Variants in ARHGEF4 observed in about 807,000 individuals in gnomAD.
ARHGEF4 encodes the protein APC-stimulated guanine nucleotide exchange factor 1.
Under a neutral mutation model 162.0 loss-of-function variants are expected in ARHGEF4, and 119 were observed. The observed-to-expected ratio is 0.73, with a 90% confidence interval of 0.63 to 0.86. ARHGEF4 has a LOEUF of 0.86. Among genes scored for constraint, ARHGEF4 ranks in the 40% least tolerant of loss-of-function variants. The pLI, the probability that ARHGEF4 is intolerant of heterozygous loss-of-function variation, is 0.00. For missense variants in ARHGEF4, 2,488 were observed against 2,456.0 expected, an observed-to-expected ratio of 1.01 and a Z score of -0.28; for synonymous variants, 1,014 against 979.9, an observed-to-expected ratio of 1.03 and a Z score of -0.65.
chr2:130,837,079 C>T (rs1022578100), intron 1 of ARHGEF4, 87 bp downstream of exon 1: 46 of 1,184,840 alleles, frequency 3.9e-5, no homozygotes, highest in Non-Finnish European at 4.9e-5. Flanking sequence ...GCTGCTGCGC[C>T]CCGGGCCGTC....
chr2:130,916,585 C>T lies in ARHGEF4; in HGVS notation c.2639C>T (p.Ser880Leu). 3.2e-6 allele frequency: 5 copies of T among 1,550,488 alleles called. No homozygotes were observed. The highest frequency in any genetic ancestry group is 4.4e-6 in the Non-Finnish European group (5 of 1,146,952). Residue 880 changes from serine (S) to leucine (L), a missense_variant, in exon 2 of 14, where the codon TCA becomes TTA. Physicochemically the swap from Ser to Leu is moderately radical, Grantham distance 145. Around this residue, in one of 6 missense-constraint regions of ARHGEF4, gnomAD observed 1,642 missense variants for 1,481.5 expected, o/e 1.11. Transcript: ENST00000409359. The stretch of plus-strand genomic sequence containing the variant: ...GCAGGAGCGGGGCACACGGGGACCT[C>T]AGGGGATCTTGGTAGCCGAGGGCCT... Reference protein sequence around the residue: ...GPAGAGHTGTSGDLGSRGPSS... With the variant: ...GPAGAGHTGTLGDLGSRGPSS...
At chr2:130,892,711 C>A (rs903874881) in intron 1 of ARHGEF4, among the ~76,000 whole-genome samples, 1 of 152,176 alleles carries the variant, frequency 6.6e-6, no homozygotes, top group Non-Finnish European at 1.5e-5. Context: ...CCAGGTTAGC[C>A]CTCCTGGCCC....
intron 2 of ARHGEF4, among the ~76,000 whole-genome samples, chr2:130,926,014 C>CTCTTTCTT (rs1553514612): frequency 1.0e-4 from 10 of 97,270 alleles, no homozygotes; most frequent in African/African-American, 4.5e-4. Context: ...TTGGTTTTCT[C>CTCTTTCTT]TCTTTCTTTC....
intron 4 of ARHGEF4, among the ~76,000 whole-genome samples, chr2:130,992,623 G>A (rs985711052): frequency 5.9e-5 from 9 of 152,176 alleles, no homozygotes; most frequent in African/African-American, 2.2e-4. Flanking sequence ...CACCTTAAGA[G>A]CTGTAACACT....
chr2:130,876,695 A>C (rs1574141638), intron 1 of ARHGEF4, among the ~76,000 whole-genome samples: 1 of 152,228 alleles, frequency 6.6e-6, no homozygotes, highest in East Asian at 1.9e-4. Context: ...CCCAGCCATG[A>C]TCATCTTTTC....
At chr2:130,984,371 T>C (rs562571394) in intron 4 of ARHGEF4, among the ~76,000 whole-genome samples, 5 of 152,210 alleles carry the variant, frequency 3.3e-5, no homozygotes, top group African/African-American at 1.2e-4. Flanking sequence ...CAAACGATAT[T>C]GTGGCCAAAC....
At chr2:130,944,888 A>C (rs1229044782) in intron 3 of ARHGEF4, among the ~76,000 whole-genome samples, 1 of 152,158 alleles carries the variant, frequency 6.6e-6, no homozygotes, top group Non-Finnish European at 1.5e-5. Flanking sequence ...CCTATGGATA[A>C]TAATGATTAT....
intron 1 of ARHGEF4, among the ~76,000 whole-genome samples, chr2:130,846,930 A>C (rs1574087101): frequency 6.6e-6 from 1 of 152,196 alleles, no homozygotes; most frequent in Non-Finnish European, 1.5e-5. Flanking sequence ...GGCCTGCCGG[A>C]TGGCAGATAC....
At chr2:130,959,194 G>A (rs918666481) in intron 4 of ARHGEF4, among the ~76,000 whole-genome samples, 6 of 151,402 alleles carry the variant, frequency 4.0e-5, no homozygotes, top group African/African-American at 1.2e-4. Flanking sequence ...TGCCTGCCTC[G>A]GCCTCCCAAA....
intron 2 of ARHGEF4, among the ~76,000 whole-genome samples, chr2:130,920,772 T>C (rs1050282646): frequency 6.6e-6 from 1 of 152,238 alleles, no homozygotes; most frequent in African/African-American, 2.4e-5. Flanking sequence ...TACTTCTAGA[T>C]TTCTTCCACA....
chr2:130,926,219 A>G (rs1682278903), intron 2 of ARHGEF4, among the ~76,000 whole-genome samples: 1 of 151,892 alleles, frequency 6.6e-6, no homozygotes, highest in South Asian at 2.1e-4. Context: ...TCAATTCTAT[A>G]ATTTCCAGTT....
At chr2:131,001,616 G>A (rs1298266480) in intron 4 of ARHGEF4, among the ~76,000 whole-genome samples, 1 of 152,102 alleles carries the variant, frequency 6.6e-6, no homozygotes, top group African/African-American at 2.4e-5. Flanking sequence ...TAGTTTGGCA[G>A]TATCTAGTAA....
At chr2:130,963,180 A>G (rs1189864450) in intron 4 of ARHGEF4, among the ~76,000 whole-genome samples, 2 of 152,128 alleles carry the variant, frequency 1.3e-5, no homozygotes, top group Non-Finnish European at 1.5e-5. Context: ...ACTCTTCCAC[A>G]CGCTTTCTAA....
intron 1 of ARHGEF4, among the ~76,000 whole-genome samples, chr2:130,885,520 G>T (rs894936143): frequency 6.6e-6 from 1 of 151,508 alleles, no homozygotes; most frequent in African/African-American, 2.4e-5. Context: ...TAGTGGAGGG[G>T]GGTGAGGGCA....
chr2:130,922,547 ATT>A (rs2105076448), intron 2 of ARHGEF4, among the ~76,000 whole-genome samples: 1 of 152,282 alleles, frequency 6.6e-6, no homozygotes, highest in African/African-American at 2.4e-5. Context: ...AGGAATTCTC[ATT>A]GGTTTATGGA....
chr2:130,992,865 C>T (rs1373408554), intron 4 of ARHGEF4, among the ~76,000 whole-genome samples: 1 of 152,234 alleles, frequency 6.6e-6, no homozygotes, highest in Non-Finnish European at 1.5e-5. Context: ...GGGTAGATAA[C>T]ATGAGGCCAG....
chr2:131,020,435 C>T (rs1689044583), intron 4 of ARHGEF4, among the ~76,000 whole-genome samples: 1 of 148,160 alleles, frequency 6.7e-6, no homozygotes, highest in African/African-American at 2.5e-5. Context: ...TGAGAATATG[C>T]GGTGTTCGGT....
At chr2:130,868,879 G>A (rs1682483941) in intron 1 of ARHGEF4, among the ~76,000 whole-genome samples, 1 of 152,172 alleles carries the variant, frequency 6.6e-6, no homozygotes, top group African/African-American at 2.4e-5. Flanking sequence ...GCTTCCAGTG[G>A]CCGCCTACAT....
At chr2:130,913,778 C>T (rs1681333796) in intron 1 of ARHGEF4, among the ~76,000 whole-genome samples, 1 of 152,224 alleles carries the variant, frequency 6.6e-6, no homozygotes, top group Non-Finnish European at 1.5e-5. Flanking sequence ...GCTGCCTTTT[C>T]TCCCTACTGA....
Sources: allele counts gnomAD v4.1 joint callset (sites outside exome capture counted in the v4.1 genomes callset), GRCh38; gene constraint gnomAD v4.1.1; regional missense constraint gnomAD v4.1.1; transcripts MANE v1.5; gene names NCBI Gene and HGNC (gene_info 2026-07-23, HGNC 2026-07-21).